Variants in FGF10 observed in about 807,000 individuals in gnomAD.
FGF10 encodes fibroblast growth factor 10.
In FGF10, 2 loss-of-function variants were observed where a neutral mutation model predicts 19.8. That is an observed-to-expected ratio of 0.10 (90% CI 0.04 to 0.32). The LOEUF (loss-of-function observed/expected upper bound fraction) is 0.32, where lower values mean the gene tolerates loss of function less well. Among genes scored for constraint, FGF10 ranks in the 10% least tolerant of loss-of-function variants. The probability of loss-of-function intolerance (pLI) is 1.00; values close to 1 mark genes in which losing one functional copy is unlikely to be tolerated. For missense variants in FGF10, 191 were observed against 246.3 expected, an observed-to-expected ratio of 0.78 and a Z score of 1.50; for synonymous variants, 112 against 94.0, an observed-to-expected ratio of 1.19 and a Z score of -1.10.
At chr5:44,337,801 C>A (rs779650771) in intron 1 of FGF10, among the ~76,000 whole-genome samples, 5 of 152,124 alleles carry the variant, frequency 3.3e-5, no homozygotes, top group Middle Eastern at 3.4e-3. Flanking sequence ...ATTAGCCAGG[C>A]GTAGTGGCAT....
intron 1 of FGF10, among the ~76,000 whole-genome samples, chr5:44,341,475 T>A (rs924081318): frequency 6.7e-6 from 1 of 149,858 alleles, no homozygotes; most frequent in Non-Finnish European, 1.5e-5. Context: ...GCTATTTCCA[T>A]AATTCACTGC....
intron 1 of FGF10, among the ~76,000 whole-genome samples, chr5:44,380,775 A>G (rs1458059702): frequency 6.6e-6 from 1 of 152,164 alleles, no homozygotes; most frequent in African/African-American, 2.4e-5. Context: ...GAGCCCAGGA[A>G]TTTGAGACAA....
At position 44,305,206 on chromosome 5, in the gene FGF10, A is replaced by G. The variant is rs1328024542; in HGVS notation, c.430-14T>C. The G allele has an allele frequency of 6.2e-7, 1 of 1,610,678 alleles. No individual in the cohort carries two copies. The highest frequency in any genetic ancestry group is 2.2e-5 in the East Asian group (1 of 44,802). On this transcript the variant is annotated splice_polypyrimidine_tract_variant and intron_variant, in intron 2 of 2. Coordinates refer to ENST00000264664, the MANE Select transcript of FGF10 (RefSeq NM_004465.2). ...GTTAAATTCTTTCTGCAAAGGAAAAACAGAATCTTTTATTCCTATGGTGAT... is the reference window on the plus strand; with the variant it reads ...GTTAAATTCTTTCTGCAAAGGAAAAGCAGAATCTTTTATTCCTATGGTGAT...
intron 1 of FGF10, among the ~76,000 whole-genome samples, chr5:44,318,005 G>T (rs1475193198): frequency 1.3e-5 from 2 of 152,000 alleles, no homozygotes; most frequent in African/African-American, 4.8e-5. Flanking sequence ...GTAAAATAAA[G>T]ATCTAGAAAA....
At chr5:44,340,102 C>T (rs1337846578) in intron 1 of FGF10, among the ~76,000 whole-genome samples, 2 of 152,036 alleles carry the variant, frequency 1.3e-5, no homozygotes, top group Non-Finnish European at 2.9e-5. Context: ...ATTTCGCACA[C>T]ATCTACCACT....
chr5:44,313,694 T>C (rs1039320928), intron 1 of FGF10, among the ~76,000 whole-genome samples: 1 of 152,024 alleles, frequency 6.6e-6, no homozygotes, highest in Non-Finnish European at 1.5e-5. Flanking sequence ...TGTAAATTTA[T>C]AGGCATATTC....
At chr5:44,346,111 T>C (rs898008956) in intron 1 of FGF10, among the ~76,000 whole-genome samples, 1 of 151,790 alleles carries the variant, frequency 6.6e-6, no homozygotes, top group East Asian at 1.9e-4. Context: ...CTGTTCCTTG[T>C]CCCACAGCCT....
intron 1 of FGF10, among the ~76,000 whole-genome samples, chr5:44,380,090 A>C (rs1011730225): frequency 1.3e-5 from 2 of 152,186 alleles, no homozygotes; most frequent in East Asian, 3.8e-4. Context: ...GACACCCAAA[A>C]TCTGGTAATT....
At chr5:44,335,722 T>C (rs1740833560) in intron 1 of FGF10, among the ~76,000 whole-genome samples, 1 of 152,204 alleles carries the variant, frequency 6.6e-6, no homozygotes, top group Non-Finnish European at 1.5e-5. Flanking sequence ...ATATACTGCT[T>C]TCCACTTTAT....
chr5:44,326,251 CTTTTAG>C (rs1740612017), intron 1 of FGF10, among the ~76,000 whole-genome samples: 1 of 152,090 alleles, frequency 6.6e-6, no homozygotes, highest in African/African-American at 2.4e-5. Flanking sequence ...AACTAGGTAT[CTTTTAG>C]TTTAGAGGAG....
At chr5:44,368,822 T>C (rs1278050497) in intron 1 of FGF10, among the ~76,000 whole-genome samples, 1 of 152,028 alleles carries the variant, frequency 6.6e-6, no homozygotes, top group Non-Finnish European at 1.5e-5. Context: ...AGCACCATCA[T>C]GATTGGCTAA....
chr5:44,369,748 G>A (rs1254468966), intron 1 of FGF10, among the ~76,000 whole-genome samples: 1 of 152,078 alleles, frequency 6.6e-6, no homozygotes, highest in African/African-American at 2.4e-5. Context: ...TTAAACTTAA[G>A]CATGTGTTTT....
At chr5:44,349,596 A>T (rs1274058033) in intron 1 of FGF10, among the ~76,000 whole-genome samples, 1 of 148,058 alleles carries the variant, frequency 6.8e-6, no homozygotes, top group Non-Finnish European at 1.5e-5. Flanking sequence ...ATATGGCCAA[A>T]GTGTACATGA....
chr5:44,326,929 G>A (rs1276551668), intron 1 of FGF10, among the ~76,000 whole-genome samples: 1 of 152,070 alleles, frequency 6.6e-6, no homozygotes, highest in Non-Finnish European at 1.5e-5. Flanking sequence ...AAGTTGAAAG[G>A]GGACACTACA....
chr5:44,346,877 A>G (rs1048391426), intron 1 of FGF10, among the ~76,000 whole-genome samples: 2 of 151,886 alleles, frequency 1.3e-5, no homozygotes, highest in Non-Finnish European at 2.9e-5. Context: ...AAATTAAAAT[A>G]GCTATGCTTG....
intron 1 of FGF10, among the ~76,000 whole-genome samples, chr5:44,311,449 C>G (rs1185621164): frequency 6.6e-6 from 1 of 151,976 alleles, no homozygotes; most frequent in Non-Finnish European, 1.5e-5. Flanking sequence ...TAGCATGTGG[C>G]CTCTGGAGCC....
At chr5:44,362,389 CT>C (rs1330828687) in intron 1 of FGF10, among the ~76,000 whole-genome samples, 1 of 150,814 alleles carries the variant, frequency 6.6e-6, no homozygotes, top group African/African-American at 2.4e-5. Flanking sequence ...ACTCTTCTCT[CT>C]TTTTTTGTAC....
At chr5:44,366,176 TCCTAATGGAAA>T (rs1306523882) in intron 1 of FGF10, among the ~76,000 whole-genome samples, 1 of 125,350 alleles carries the variant, frequency 8.0e-6, no homozygotes, top group Non-Finnish European at 1.6e-5. Flanking sequence ...CCCTCCCTCC[TCCTAATGGAAA>T]CCAATTAGAA....
At chr5:44,380,214 A>G (rs973845227) in intron 1 of FGF10, among the ~76,000 whole-genome samples, 6 of 152,206 alleles carry the variant, frequency 3.9e-5, no homozygotes, top group Non-Finnish European at 2.9e-5. Context: ...TCTTCTTTTA[A>G]TAATTCTATC....
Sources: gnomAD v4.1 joint callset for allele counts (sites outside exome capture counted in the v4.1 genomes callset) on GRCh38, gnomAD v4.1.1 for gene constraint, MANE v1.5 for transcripts, NCBI Gene and HGNC (gene_info 2026-07-23, HGNC 2026-07-21) for gene names.